Variants in PBX1 observed in about 807,000 individuals in gnomAD.
The protein encoded by PBX1 is PBX homeobox 1.
PBX1 carries 6 observed loss-of-function variants against 53.4 expected under a neutral mutation model. The ratio of observed to expected loss-of-function variants is 0.11; its 90% CI spans 0.06 to 0.22. The LOEUF (loss-of-function observed/expected upper bound fraction) is 0.22. Among genes scored for constraint, PBX1 ranks in the 10% least tolerant of loss-of-function variants. The probability of loss-of-function intolerance (pLI) is 1.00; values close to 1 mark genes in which losing one functional copy is unlikely to be tolerated. For synonymous variants in PBX1, 204 were observed against 212.3 expected (o/e 0.96, Z 0.34); for missense variants, 251 against 551.4 (o/e 0.46, Z 5.46).
At chr1:164,779,737 G>A (rs939191657) in intron 2 of PBX1, among the ~76,000 whole-genome samples, 1 of 152,160 alleles carries the variant, frequency 6.6e-6, no homozygotes, top group Non-Finnish European at 1.5e-5. Flanking sequence ...TGGCTTGCTA[G>A]GGGCTGTCCC....
At chr1:164,817,676 GT>G (rs1669938968) in intron 6 of PBX1, 1 of 152,218 alleles carries the variant, frequency 6.6e-6, no homozygotes, top group South Asian at 2.1e-4. Flanking sequence ...TTATGCACAT[GT>G]ATTTTTTAAA....
intron 2 of PBX1, chr1:164,700,735 T>A: frequency 2.0e-6 from 2 of 985,324 alleles, no homozygotes; most frequent in Non-Finnish European, 2.4e-6. Context: ...ACTGAAGGTT[T>A]GCCAGTTTCA....
intron 5 of PBX1, 98 bp from the exon 6 acceptor site, chr1:164,811,892 C>A: frequency 2.2e-6 from 2 of 921,154 alleles, no homozygotes; most frequent in Admixed American, 2.9e-5. Context: ...GACCAATTAG[C>A]TTACCTCTTC....
At chr1:164,675,606 C>T (rs1202866008) in intron 2 of PBX1, among the ~76,000 whole-genome samples, 3 of 152,116 alleles carry the variant, frequency 2.0e-5, no homozygotes, top group African/African-American at 7.2e-5. Flanking sequence ...TATCTCACCT[C>T]TTACCTGCCC....
At chr1:164,758,685 A>T (rs1666651784) in intron 2 of PBX1, among the ~76,000 whole-genome samples, 1 of 152,048 alleles carries the variant, frequency 6.6e-6, no homozygotes, top group Non-Finnish European at 1.5e-5. Context: ...CCTTCAAAGT[A>T]TGAGAGTTAG....
intron 2 of PBX1, among the ~76,000 whole-genome samples, chr1:164,726,713 T>C (rs531647238): frequency 5.9e-5 from 9 of 152,226 alleles, no homozygotes; most frequent in African/African-American, 2.2e-4. Context: ...AATGACAAAA[T>C]AATGTTTTAC....
At chr1:164,738,288 A>G (rs1665409839) in intron 2 of PBX1, among the ~76,000 whole-genome samples, 1 of 152,124 alleles carries the variant, frequency 6.6e-6, no homozygotes, top group South Asian at 2.1e-4. Flanking sequence ...TTCCCAAGTC[A>G]TACGGTAACT....
chr1:164,747,393 A>G (rs889698436), intron 2 of PBX1, among the ~76,000 whole-genome samples: 1 of 152,010 alleles, frequency 6.6e-6, no homozygotes, highest in Non-Finnish European at 1.5e-5. Flanking sequence ...AAAGTACAAA[A>G]AGGTAGACTG....
chr1:164,744,063 C>G (rs1665765237), intron 2 of PBX1, among the ~76,000 whole-genome samples: 1 of 152,124 alleles, frequency 6.6e-6, no homozygotes, highest in Non-Finnish European at 1.5e-5. Context: ...TTGATTACTT[C>G]ACTTCCACAT....
intron 2 of PBX1, among the ~76,000 whole-genome samples, chr1:164,650,216 TTTTTCTTTGCTAC>T (rs1410907669): frequency 1.8e-4 from 25 of 137,686 alleles, no homozygotes; most frequent in African/African-American, 7.9e-4. Context: ...AAAGAGAGAC[TTTTTCTTTGCTAC>T]TTTTTTTTTT....
chr1:164,860,261 A>AATTCC (rs1361350507), intron 2 of PBX1, among the ~76,000 whole-genome samples: 2 of 152,196 alleles, frequency 1.3e-5, no homozygotes, highest in African/African-American at 4.8e-5. Context: ...ATACTTATTG[A>AATTCC]CAGCTGAATG....
intron 2 of PBX1, among the ~76,000 whole-genome samples, chr1:164,604,419 C>T (rs763513277): frequency 6.6e-6 from 1 of 152,168 alleles, no homozygotes; most frequent in Non-Finnish European, 1.5e-5. Context: ...AGGTCCCTTC[C>T]ACCCTGACAT....
At chr1:164,611,274 G>C (rs2489636) in intron 2 of PBX1, among the ~76,000 whole-genome samples, 118,830 of 152,002 alleles carry the variant, frequency 0.78, 46,557 homozygotes, top group East Asian at 0.93. Flanking sequence ...GTCTTACTCT[G>C]TCGCCCAGGC....
chr1:164,797,291 A>G (rs1316881510), intron 3 of PBX1, among the ~76,000 whole-genome samples: 1 of 152,144 alleles, frequency 6.6e-6, no homozygotes, highest in Non-Finnish European at 1.5e-5. Context: ...CCTCACATCC[A>G]GCCCCTCCTC....
chr1:164,688,240 T>C (rs184459743), intron 2 of PBX1, among the ~76,000 whole-genome samples: 4 of 152,322 alleles, frequency 2.6e-5, no homozygotes, highest in African/African-American at 9.6e-5. Context: ...TCAGATAGAC[T>C]TGAGGATAAT....
chr1:164,620,733 A>G lies in PBX1; in HGVS notation c.265+57422A>G, dbSNP rs768368795. Among the ~76,000 whole-genome samples the G allele has an allele frequency of 4.6e-5, 7 of 151,664 alleles. No homozygotes were observed. In the South Asian group the frequency reaches 1.5e-3, roughly 32 times the overall value. On this transcript the variant is annotated intron_variant, in intron 2 of 8. Coordinates refer to ENST00000420696, the MANE Select transcript of PBX1 (RefSeq NM_002585.4). ...AGTCTTGCTCTGTCACCCAGGCTGG[A>G]GTGCAGTGGTGCGATCTCGCCTCAC...
rs116759584 is a variant in PBX1 at position 164,849,560 on chromosome 1, G to A, written c.*2884G>A. On this transcript the variant is annotated 3_prime_UTR_variant, in exon 9 of 9. Transcript: ENST00000420696. ...AGGATTTCTTCATTTTCTAATAGAT[G>A]TGGGAGTGCTCCATTTTCCCCGACA... is the stretch of plus-strand genomic sequence containing the variant. The A allele has an allele frequency of 4.2e-4, 468 of 1,113,862 alleles. 4 individuals carry two copies. In the African/African-American group the frequency reaches 6.2e-3, roughly 15 times the overall value. The allele number at this position is 1,113,862 out of a possible 1,614,324, so 69.0% of individuals were successfully genotyped here. A position where few individuals can be genotyped will look rare whatever the true frequency, so the allele number is the denominator to read the frequency against.
chr1:164,711,324 C>T (rs890223800), intron 2 of PBX1, among the ~76,000 whole-genome samples: 16 of 152,162 alleles, frequency 1.1e-4, no homozygotes, highest in African/African-American at 2.9e-4. Context: ...AGTGCAGTGG[C>T]GCGATCTCGG....
chr1:164,772,056 T>C lies in PBX1; in HGVS notation c.266-20438T>C, dbSNP rs898442793. ...CCAAGAATTCCAGCTGTCCTTTGTC[T>C]GTTCATCCTTTCTCAGGAAAGCACC... On this transcript the variant is annotated intron_variant, in intron 2 of 8. Coordinates refer to ENST00000420696, the MANE Select transcript of PBX1 (RefSeq NM_002585.4). Among the ~76,000 whole-genome samples the C allele has an allele frequency of 3.9e-5, 6 of 152,232 alleles. 1 individual carries two copies. Among genetic ancestry groups the C allele is most frequent in the Admixed American group, 2.0e-4 (3 of 15,288 alleles).
Sources: gnomAD v4.1 joint callset for allele counts (sites outside exome capture counted in the v4.1 genomes callset) on GRCh38, gnomAD v4.1.1 for gene constraint, MANE v1.5 for transcripts, NCBI Gene and HGNC (gene_info 2026-07-23, HGNC 2026-07-21) for gene names.